UNC5C: variants seen among roughly 807,000 people sequenced by gnomAD.
The protein encoded by UNC5C is netrin receptor UNC5C.
UNC5C carries 47 observed loss-of-function variants against 99.8 expected under a neutral mutation model. The ratio of observed to expected loss-of-function variants is 0.47; its 90% CI spans 0.37 to 0.60. The LOEUF (loss-of-function observed/expected upper bound fraction) is 0.60. Among genes scored for constraint, UNC5C ranks in the 20% least tolerant of loss-of-function variants. The pLI is 0.00. For synonymous variants in UNC5C, 487 were observed against 452.2 expected, an observed-to-expected ratio of 1.08 and a Z score of -0.98; for missense variants, 1,062 against 1,165.9, an observed-to-expected ratio of 0.91 and a Z score of 1.30.
intron 4 of UNC5C, among the ~76,000 whole-genome samples, chr4:95,262,295 A>G (rs999789243): frequency 6.6e-6 from 1 of 152,226 alleles, no homozygotes; most frequent in African/African-American, 2.4e-5. Context: ...ATAAATTTTG[A>G]TGACAGATCG....
At chr4:95,311,909 C>T (rs1384861) in intron 2 of UNC5C, among the ~76,000 whole-genome samples, 1,974 of 152,030 alleles carry the variant, frequency 0.013, 43 homozygotes, top group African/African-American at 0.044. Flanking sequence ...TAGCTAGGCA[C>T]GGTGGTGTAT....
chr4:95,239,865 C>T (rs1739269819), intron 7 of UNC5C, among the ~76,000 whole-genome samples: 1 of 152,102 alleles, frequency 6.6e-6, no homozygotes. Flanking sequence ...CTCTTAAGTA[C>T]CAAGTTAGCT....
chr4:95,316,848 G>A (rs1219618939), intron 2 of UNC5C, among the ~76,000 whole-genome samples: 2 of 151,978 alleles, frequency 1.3e-5, no homozygotes, highest in African/African-American at 4.8e-5. Context: ...TCATGTAGGA[G>A]ATCCTTTAGC....
intron 14 of UNC5C, among the ~76,000 whole-genome samples, chr4:95,172,357 G>T (rs1034400660): frequency 3.3e-5 from 5 of 150,678 alleles, no homozygotes; most frequent in African/African-American, 9.7e-5. Flanking sequence ...TTCTTCTAGG[G>T]TTTTTATGGT....
chr4:95,395,725 A>G (rs1188652708), intron 1 of UNC5C, among the ~76,000 whole-genome samples: 1 of 152,164 alleles, frequency 6.6e-6, no homozygotes, highest in East Asian at 1.9e-4. Flanking sequence ...TATCACAAAG[A>G]TCCACTATTT....
At chr4:95,262,033 A>C (rs1306464559) in intron 4 of UNC5C, among the ~76,000 whole-genome samples, 2 of 152,198 alleles carry the variant, frequency 1.3e-5, no homozygotes, top group African/African-American at 4.8e-5. Flanking sequence ...TATCTCTAAG[A>C]ACTTGCCCTC....
chr4:95,256,508 A>T (rs1487782697), intron 4 of UNC5C, among the ~76,000 whole-genome samples: 1 of 151,062 alleles, frequency 6.6e-6, no homozygotes, highest in Non-Finnish European at 1.5e-5. Flanking sequence ...CCTCACTCCC[A>T]CCTCTTCCTG....
At chr4:95,522,972 T>A (rs975468302) in intron 1 of UNC5C, among the ~76,000 whole-genome samples, 3 of 60,088 alleles carry the variant, frequency 5.0e-5, no homozygotes, top group Non-Finnish European at 2.1e-4. Context: ...TTACAGTGTG[T>A]TTCATCAACA....
intron 1 of UNC5C, among the ~76,000 whole-genome samples, chr4:95,389,247 C>T (rs2149444512): frequency 6.6e-6 from 1 of 152,270 alleles, no homozygotes; most frequent in African/African-American, 2.4e-5. Context: ...TACTAACAAT[C>T]ACAGTTAAGG....
intron 1 of UNC5C, among the ~76,000 whole-genome samples, chr4:95,545,666 C>T (rs1723037968): frequency 6.6e-6 from 1 of 151,726 alleles, no homozygotes; most frequent in African/African-American, 2.4e-5. Flanking sequence ...CTAGTTGGAG[C>T]TAGATAAGCA....
chr4:95,411,949 T>C (rs577271316), intron 1 of UNC5C, among the ~76,000 whole-genome samples: 1 of 150,970 alleles, frequency 6.6e-6, no homozygotes, highest in South Asian at 2.1e-4. Context: ...TTGTCATCAC[T>C]CTCTCCCACC....
chr4:95,183,136 G>A (rs1736685778), intron 13 of UNC5C, 75 bp from the exon 14 acceptor site: 5 of 1,414,986 alleles, frequency 3.5e-6, no homozygotes, highest in South Asian at 2.6e-5. Context: ...CTGCTGCCAG[G>A]TACTCTGAGT....
At chr4:95,385,569 A>T (rs1745190331) in intron 1 of UNC5C, among the ~76,000 whole-genome samples, 1 of 151,942 alleles carries the variant, frequency 6.6e-6, no homozygotes, top group African/African-American at 2.4e-5. Flanking sequence ...AGAGGAAATA[A>T]AAAAAAAGTG....
At chr4:95,252,117 T>C in intron 4 of UNC5C, among the ~76,000 whole-genome samples, 1 of 152,186 alleles carries the variant, frequency 6.6e-6, no homozygotes, top group Non-Finnish European at 1.5e-5. Flanking sequence ...CTGAGATATA[T>C]ACTCATATTC....
chr4:95,400,585 G>A (rs1207504884), intron 1 of UNC5C, among the ~76,000 whole-genome samples: 1 of 151,978 alleles, frequency 6.6e-6, no homozygotes, highest in Non-Finnish European at 1.5e-5. Context: ...TAGAGACGGG[G>A]TTTCACCGTG....
intron 15 of UNC5C, among the ~76,000 whole-genome samples, chr4:95,169,659 A>G (rs1279236458): frequency 6.6e-6 from 1 of 152,212 alleles, no homozygotes; most frequent in Non-Finnish European, 1.5e-5. Context: ...TAAACAGGAA[A>G]TCAAGAGACT....
intron 4 of UNC5C, among the ~76,000 whole-genome samples, chr4:95,251,677 C>T (rs1739740306): frequency 1.3e-5 from 2 of 152,170 alleles, no homozygotes; most frequent in Non-Finnish European, 2.9e-5. Context: ...AATGTGGATA[C>T]AGGTAACCTT....
At chr4:95,536,082 A>ATATATATATATATTTTTTT (rs1180330785) in intron 1 of UNC5C, among the ~76,000 whole-genome samples, 1 of 78,446 alleles carries the variant, frequency 1.3e-5, no homozygotes, top group East Asian at 2.8e-4. Flanking sequence ...ATATATATAT[A>ATATATATATATATTTTTTT]TTTTTTTTTT....
intron 14 of UNC5C, among the ~76,000 whole-genome samples, chr4:95,174,189 C>A (rs1174961332): frequency 1.3e-5 from 2 of 152,194 alleles, no homozygotes; most frequent in South Asian, 2.1e-4. Flanking sequence ...TTTAAAAAAA[C>A]CAGCTACTGG....
Sources: allele counts gnomAD v4.1 joint callset (sites outside exome capture counted in the v4.1 genomes callset), GRCh38; gene constraint gnomAD v4.1.1; transcripts MANE v1.5; gene names NCBI Gene and HGNC (gene_info 2026-07-23, HGNC 2026-07-21).